CADPS: variants seen among roughly 807,000 people sequenced by gnomAD.
The protein encoded by CADPS is calcium-dependent secretion activator 1.
A neutral mutation model predicts 167.3 loss-of-function variants in CADPS; 57 were observed. The ratio of observed to expected loss-of-function variants is 0.34; its 90% CI spans 0.28 to 0.42. The LOEUF (loss-of-function observed/expected upper bound fraction) is 0.42, where lower values mean the gene tolerates loss of function less well. CADPS is among the 20% of genes least tolerant of loss of function. CADPS has a pLI of 1.00. For missense variants in CADPS, 1,414 were observed against 1,738.1 expected (o/e 0.81, Z 3.32); for synonymous variants, 676 against 635.3 (o/e 1.06, Z -0.96).
chr3:62,468,310 T>C (rs1253783261), intron 24 of CADPS, among the ~76,000 whole-genome samples: 3 of 152,204 alleles, frequency 2.0e-5, no homozygotes, highest in Admixed American at 2.0e-4. Flanking sequence ...TGCATTGCTA[T>C]AAATGATTCA....
intron 6 of CADPS, among the ~76,000 whole-genome samples, chr3:62,616,922 C>A (rs906574447): frequency 1.3e-5 from 2 of 152,102 alleles, no homozygotes; most frequent in African/African-American, 4.8e-5. Flanking sequence ...ATCAAATGTC[C>A]CTTTAGCCCT....
intron 10 of CADPS, among the ~76,000 whole-genome samples, chr3:62,556,102 A>G (rs1264754512): frequency 6.6e-6 from 1 of 152,126 alleles, no homozygotes; most frequent in Non-Finnish European, 1.5e-5. Context: ...AGGATACACA[A>G]TGGCTTAAGA....
intron 10 of CADPS, among the ~76,000 whole-genome samples, chr3:62,552,766 T>C (rs1365094034): frequency 6.6e-6 from 1 of 152,222 alleles, no homozygotes; most frequent in Non-Finnish European, 1.5e-5. Context: ...GGACAATAAA[T>C]AGCTACTTCT....
chr3:62,745,478 C>G (rs1411464346), intron 3 of CADPS, among the ~76,000 whole-genome samples: 2 of 152,198 alleles, frequency 1.3e-5, no homozygotes, highest in Non-Finnish European at 1.5e-5. Flanking sequence ...TATCTAATGA[C>G]TTCTAGGGGC....
chr3:62,563,948 G>C (rs2079630973), intron 9 of CADPS, among the ~76,000 whole-genome samples: 1 of 152,118 alleles, frequency 6.6e-6, no homozygotes, highest in Admixed American at 6.6e-5. Context: ...TCAGGTGCCA[G>C]TCCTGTCTAA....
At chr3:62,713,229 A>G (rs946603846) in intron 3 of CADPS, among the ~76,000 whole-genome samples, 4 of 152,028 alleles carry the variant, frequency 2.6e-5, no homozygotes, top group South Asian at 2.1e-4. Context: ...TGCCCAGACC[A>G]TTTCTCCTTC....
intron 1 of CADPS, among the ~76,000 whole-genome samples, chr3:62,839,891 T>C (rs1231406236): frequency 6.6e-6 from 1 of 152,146 alleles, no homozygotes; most frequent in Non-Finnish European, 1.5e-5. Context: ...TCAAATAGAA[T>C]TGCTGAGATC....
chr3:62,654,558 T>A lies in CADPS; in HGVS notation c.970-3478A>T, dbSNP rs867097323. Among the ~76,000 whole-genome samples, 11 of 152,168 alleles carry A rather than the reference T, an allele frequency of 7.2e-5. No individual in the cohort carries two copies. The South Asian group carries it at 1.0e-3, about 14-fold the overall frequency. On this transcript the variant is annotated intron_variant, in intron 4 of 29. Transcript: ENST00000383710. ...CAACTTTACATAGCCACACAATATT[T>A]CCTCATATTTCTTGGAATATGGCCT...
chr3:62,476,850 G>T (rs1040178084), intron 23 of CADPS, among the ~76,000 whole-genome samples: 5 of 152,052 alleles, frequency 3.3e-5, no homozygotes, highest in African/African-American at 9.7e-5. Context: ...TTTATGGAAT[G>T]GTTTGGCCAT....
chr3:62,556,347 G>T (rs773790378), intron 10 of CADPS, among the ~76,000 whole-genome samples: 1 of 152,202 alleles, frequency 6.6e-6, no homozygotes, highest in Non-Finnish European at 1.5e-5. Flanking sequence ...CCAGTCACTC[G>T]GTTGAGATTC....
At chr3:62,566,986 G>T (rs2080340329) in intron 9 of CADPS, among the ~76,000 whole-genome samples, 1 of 152,196 alleles carries the variant, frequency 6.6e-6, no homozygotes, top group African/African-American at 2.4e-5. Context: ...AGTGAGCACA[G>T]AGCTTGCTTT....
At chr3:62,772,173 T>C (rs1005749156) in intron 1 of CADPS, among the ~76,000 whole-genome samples, 3 of 152,206 alleles carry the variant, frequency 2.0e-5, no homozygotes, top group African/African-American at 7.2e-5. Flanking sequence ...AAGTATTATT[T>C]TTTTCCCTAT....
intron 26 of CADPS, among the ~76,000 whole-genome samples, chr3:62,457,489 A>G (rs77681488): frequency 0.029 from 4,383 of 152,326 alleles, 188 homozygotes; most frequent in African/African-American, 0.099. Context: ...TGGCATTAAA[A>G]TAAAACACAA....
intron 3 of CADPS, among the ~76,000 whole-genome samples, chr3:62,746,784 C>G (rs372975469): frequency 6.6e-6 from 1 of 152,128 alleles, no homozygotes; most frequent in Non-Finnish European, 1.5e-5. Flanking sequence ...GTGGATCCTT[C>G]CCTGTTGAGC....
At chr3:62,575,096 C>T (rs1163905089) in intron 8 of CADPS, among the ~76,000 whole-genome samples, 21 of 152,176 alleles carry the variant, frequency 1.4e-4, no homozygotes, top group Admixed American at 1.4e-3. Context: ...AACCATTTCC[C>T]TTTACTTTGC....
At chr3:62,815,293 TAA>T (rs5849502) in intron 1 of CADPS, among the ~76,000 whole-genome samples, 16 of 149,914 alleles carry the variant, frequency 1.1e-4, no homozygotes, top group East Asian at 5.9e-4. Context: ...TACTGCTACA[TAA>T]AAAAAAAAAC....
intron 17 of CADPS, among the ~76,000 whole-genome samples, chr3:62,507,449 A>C (rs1050396656): frequency 1.3e-5 from 2 of 151,456 alleles, no homozygotes; most frequent in Non-Finnish European, 2.9e-5. Flanking sequence ...GGTAGGGAGC[A>C]TGACTGCTTT....
chr3:62,652,202 C>CT lies in CADPS; in HGVS notation c.970-1123dup, dbSNP rs748394755. 2.0e-5 allele frequency among the ~76,000 whole-genome samples: 3 copies of CT among 152,070 alleles called. No individual in the cohort carries two copies. The East Asian group carries it at 5.8e-4, about 29-fold the overall frequency. On this transcript the variant is annotated intron_variant, in intron 4 of 29. Transcript: ENST00000383710. ...AATATGCAAGGAAGATGGAGACAGTCTTTCATCCCCAAATTCTCACCCAAA... is the reference window on the plus strand; with the variant it reads ...AATATGCAAGGAAGATGGAGACAGTCTTTTCATCCCCAAATTCTCACCCAAA...
At chr3:62,639,933 T>A (rs2067093328) in intron 6 of CADPS, among the ~76,000 whole-genome samples, 1 of 152,152 alleles carries the variant, frequency 6.6e-6, no homozygotes, top group Non-Finnish European at 1.5e-5. Flanking sequence ...CCCCACTACT[T>A]TCTATCACAG....
Sources: allele counts gnomAD v4.1 joint callset (sites outside exome capture counted in the v4.1 genomes callset), GRCh38; gene constraint gnomAD v4.1.1; transcripts MANE v1.5; gene names NCBI Gene and HGNC (gene_info 2026-07-23, HGNC 2026-07-21).